The following PTPN4 variants were observed in gnomAD, a reference collection of about 807,000 sequenced individuals.
PTPN4 encodes the protein protein tyrosine phosphatase non-receptor type 4, also known as tyrosine-protein phosphatase non-receptor type 4.
A neutral mutation model predicts 135.5 loss-of-function variants in PTPN4; 49 were observed. The ratio of observed to expected loss-of-function variants is 0.36; its 90% CI spans 0.29 to 0.46. PTPN4 has a LOEUF of 0.46. Ranked by LOEUF, PTPN4 falls within the 20% of genes least tolerant of loss-of-function variation. The pLI, the probability that PTPN4 is intolerant of heterozygous loss-of-function variation, is 1.00. For missense variants in PTPN4, 860 were observed against 1,101.0 expected, an observed-to-expected ratio of 0.78 and a Z score of 3.10; for synonymous variants, 333 against 369.9, an observed-to-expected ratio of 0.90 and a Z score of 1.14.
At chr2:119,843,243 C>T (rs148486801) in intron 2 of PTPN4, among the ~76,000 whole-genome samples, 2,919 of 136,864 alleles carry the variant, frequency 0.021, 48 homozygotes, top group African/African-American at 0.056. Context: ...TTTTTTGCAC[C>T]GCCCTTAATC....
intron 2 of PTPN4, among the ~76,000 whole-genome samples, chr2:119,816,100 A>G (rs1343221480): frequency 1.3e-5 from 2 of 152,248 alleles, no homozygotes; most frequent in Non-Finnish European, 2.9e-5. Context: ...ACTCACATGT[A>G]GATGGTATAA....
intron 2 of PTPN4, among the ~76,000 whole-genome samples, chr2:119,840,619 G>A (rs1465206841): frequency 1.3e-5 from 2 of 152,156 alleles, no homozygotes; most frequent in East Asian, 3.8e-4. Context: ...TGGGATTGCT[G>A]GGTCAAATGG....
intron 12 of PTPN4, among the ~76,000 whole-genome samples, chr2:119,922,302 T>C (rs1322808581): frequency 6.6e-6 from 1 of 151,740 alleles, no homozygotes; most frequent in African/African-American, 2.4e-5. Flanking sequence ...TTGGGGAAGA[T>C]TGGCCTAGTA....
intron 1 of PTPN4, among the ~76,000 whole-genome samples, chr2:119,789,210 G>A (rs1326076313): frequency 6.6e-6 from 1 of 151,296 alleles, no homozygotes; most frequent in Non-Finnish European, 1.5e-5. Context: ...TGTGTATATT[G>A]GCCACTTGTA....
chr2:119,895,468 C>T (rs1229986036), intron 9 of PTPN4, among the ~76,000 whole-genome samples: 4 of 152,130 alleles, frequency 2.6e-5, no homozygotes, highest in East Asian at 1.9e-4. Context: ...GGCCAAACCC[C>T]GTCTCTACTA....
At chr2:119,770,554 T>C (rs1286273708) in intron 1 of PTPN4, among the ~76,000 whole-genome samples, 1 of 152,204 alleles carries the variant, frequency 6.6e-6, no homozygotes, top group Admixed American at 6.5e-5. Context: ...ATTACTGTTT[T>C]CCCCCTACCT....
intron 1 of PTPN4, among the ~76,000 whole-genome samples, chr2:119,789,200 T>C (rs768902268): frequency 8.5e-5 from 13 of 152,170 alleles, no homozygotes; most frequent in Non-Finnish European, 1.8e-4. Flanking sequence ...CATCTTTTCA[T>C]GTGTATATTG....
chr2:119,901,898 A>T (rs974056878), intron 10 of PTPN4, among the ~76,000 whole-genome samples: 2 of 152,208 alleles, frequency 1.3e-5, no homozygotes, highest in African/African-American at 4.8e-5. Flanking sequence ...GTGAGCTTGA[A>T]GATATGTCAA....
At chr2:119,767,968 C>T (rs1471845498) in intron 1 of PTPN4, among the ~76,000 whole-genome samples, 8 of 152,140 alleles carry the variant, frequency 5.3e-5, no homozygotes, top group Non-Finnish European at 5.9e-5. Flanking sequence ...AAGGCTGTAA[C>T]CACGAGCCTT....
At chr2:119,863,908 T>C (rs1158231636) in intron 3 of PTPN4, among the ~76,000 whole-genome samples, 1 of 152,092 alleles carries the variant, frequency 6.6e-6, no homozygotes, top group Non-Finnish European at 1.5e-5. Context: ...TGGAAGTGAG[T>C]AGAAATGTCA....
At chr2:119,781,031 G>C (rs35367661) in intron 1 of PTPN4, among the ~76,000 whole-genome samples, 1 of 152,164 alleles carries the variant, frequency 6.6e-6, no homozygotes, top group African/African-American at 2.4e-5. Context: ...TTTATTCAGA[G>C]TATTATAATC....
chr2:119,946,207 A>C, intron 16 of PTPN4, 134 bp from the exon 17 acceptor site: 2 of 703,052 alleles, frequency 2.8e-6, no homozygotes, highest in Non-Finnish European at 4.4e-6. Context: ...CTTCTGAACT[A>C]AAATTTTTAT....
At chr2:119,885,987 G>C (rs1368211975) in intron 9 of PTPN4, 105 bp downstream of exon 9, 1 of 737,328 alleles carries the variant, frequency 1.4e-6, no homozygotes, top group Non-Finnish European at 2.1e-6. Context: ...GATTGCTGCT[G>C]ACACAGCTGC....
intron 2 of PTPN4, among the ~76,000 whole-genome samples, chr2:119,858,403 AT>A (rs564247284): frequency 3.6e-4 from 55 of 152,220 alleles, no homozygotes; most frequent in African/African-American, 1.2e-3. Flanking sequence ...AGGTAGATTT[AT>A]TTTGATTCAT....
chr2:119,977,242 C>G lies in PTPN4; in HGVS notation c.*172C>G, dbSNP rs1679631500. Reference sequence around the variant, plus strand: ...TATGTTTTAAAAAATGTCACTCTTTCAAAATCTATAACTCATGTATTTGAA... The same window carrying G: ...TATGTTTTAAAAAATGTCACTCTTTGAAAATCTATAACTCATGTATTTGAA... On this transcript the variant is annotated 3_prime_UTR_variant, in exon 27 of 27. Coordinates refer to ENST00000263708, the MANE Select transcript of PTPN4 (RefSeq NM_002830.4). The G allele has an allele frequency of 5.5e-6, 6 of 1,093,424 alleles. No individual in the cohort carries two copies. The highest frequency in any genetic ancestry group is 7.2e-6 in the Non-Finnish European group (6 of 836,062). The allele number at this position is 1,093,424 out of a possible 1,614,324, so 67.7% of individuals were successfully genotyped here.
At chr2:119,953,607 T>A (rs533157826) in intron 19 of PTPN4, among the ~76,000 whole-genome samples, 1 of 152,202 alleles carries the variant, frequency 6.6e-6, no homozygotes, top group African/African-American at 2.4e-5. Flanking sequence ...ATAACATTTT[T>A]TTCTGTATTT....
chr2:119,795,490 G>A (rs1462673565), intron 1 of PTPN4, among the ~76,000 whole-genome samples: 1 of 152,228 alleles, frequency 6.6e-6, no homozygotes, highest in Non-Finnish European at 1.5e-5. Flanking sequence ...GTGGCAGGGG[G>A]CTGGCATGTC....
intron 11 of PTPN4, among the ~76,000 whole-genome samples, chr2:119,918,364 C>G (rs1303355630): frequency 2.0e-5 from 3 of 152,168 alleles, no homozygotes; most frequent in Non-Finnish European, 4.4e-5. Flanking sequence ...ATTAATAACT[C>G]TGTTCATCAA....
intron 2 of PTPN4, among the ~76,000 whole-genome samples, chr2:119,835,339 C>T (rs6716460): frequency 0.29 from 44,458 of 151,876 alleles, 6,716 homozygotes; most frequent in African/African-American, 0.36. Context: ...CGTCTGCCAC[C>T]GCGCCCAGCT....
Sources: allele counts gnomAD v4.1 joint callset (sites outside exome capture counted in the v4.1 genomes callset), GRCh38; gene constraint gnomAD v4.1.1; transcripts MANE v1.5; gene names NCBI Gene and HGNC (gene_info 2026-07-23, HGNC 2026-07-21).